Variants in ZMYM2 observed in about 807,000 individuals in gnomAD.
ZMYM2 encodes the protein zinc finger MYM-type containing 2, also known as zinc finger MYM-type protein 2.
Under a neutral mutation model 162.8 loss-of-function variants are expected in ZMYM2, and 56 were observed. The ratio of observed to expected loss-of-function variants is 0.34; its 90% CI spans 0.28 to 0.43. The LOEUF is 0.43. Among genes scored for constraint, ZMYM2 ranks in the 20% least tolerant of loss-of-function variants. The pLI is 1.00. For synonymous variants in ZMYM2, 510 were observed against 541.6 expected (o/e 0.94, Z 0.81); for missense variants, 1,275 against 1,621.8 (o/e 0.79, Z 3.67).
At position 20,036,911 on chromosome 13, in the gene ZMYM2, C is replaced by T. The variant is rs376967103; in HGVS notation, c.2292+2C>T. 57 of 1,601,406 alleles carry T rather than the reference C, an allele frequency of 3.6e-5. No homozygotes were observed. Among genetic ancestry groups the T allele is most frequent in the Non-Finnish European group, 4.2e-5 (49 of 1,174,814 alleles). ...AAATTTCAGGATTGGTACTACAAGG[C>T]GAGTAACTCCTTTATTACAGCAGCT... On this transcript the variant is annotated splice_donor_variant, in intron 12 of 24. Coordinates refer to ENST00000610343, the MANE Select transcript of ZMYM2 (RefSeq NM_197968.4). LOFTEE classifies it low-confidence loss of function (GC_TO_GT_DONOR).
At chr13:19,971,262 A>ATTTTTTT (rs67460005) in intron 2 of ZMYM2, among the ~76,000 whole-genome samples, 3 of 78,332 alleles carry the variant, frequency 3.8e-5, no homozygotes, top group African/African-American at 1.4e-4. Flanking sequence ...ATATATATAT[A>ATTTTTTT]TTTTTTTTTT....
At chr13:20,065,857 G>T (rs1047059203) in intron 19 of ZMYM2, among the ~76,000 whole-genome samples, 1 of 151,968 alleles carries the variant, frequency 6.6e-6, no homozygotes, top group African/African-American at 2.4e-5. Flanking sequence ...ACAGAGCAAG[G>T]CCCTGTCTTA....
At chr13:19,884,786 A>T in the ZMYM2 span, among the ~76,000 whole-genome samples, 1 of 152,158 alleles carries the variant, frequency 6.6e-6, no homozygotes, top group African/African-American at 2.4e-5. Context: ...CCCCCAAGAC[A>T]GAAAAACAAA....
intron 9 of ZMYM2, among the ~76,000 whole-genome samples, chr13:20,031,088 T>C (rs1387945347): frequency 6.6e-6 from 1 of 152,192 alleles, no homozygotes; most frequent in Non-Finnish European, 1.5e-5. Context: ...TTTTTTCTTA[T>C]TTTAGGTAAA....
the ZMYM2 span, among the ~76,000 whole-genome samples, chr13:19,869,091 C>G: frequency 6.6e-6 from 1 of 152,190 alleles, no homozygotes; most frequent in Admixed American, 6.5e-5. Context: ...ATGCCACTAT[C>G]ACAGAATAAA....
At chr13:20,043,758 C>CA (rs1954502620) in intron 12 of ZMYM2, among the ~76,000 whole-genome samples, 1 of 152,176 alleles carries the variant, frequency 6.6e-6, no homozygotes, top group South Asian at 2.1e-4. Flanking sequence ...TGCACACACA[C>CA]ACGTGGGTGC....
At chr13:19,926,144 A>G in the ZMYM2 span, among the ~76,000 whole-genome samples, 2 of 151,220 alleles carry the variant, frequency 1.3e-5, no homozygotes, top group Admixed American at 1.3e-4. Context: ...TATTTTTAGT[A>G]GAGATGGGGT....
intron 19 of ZMYM2, among the ~76,000 whole-genome samples, chr13:20,064,784 GTAA>G (rs1177037631): frequency 1.4e-5 from 2 of 142,592 alleles, no homozygotes; most frequent in Non-Finnish European, 3.2e-5. Flanking sequence ...AATAATAGTA[GTAA>G]TAATTTATTT....
At chr13:19,968,070 T>G (rs1955968047) in intron 2 of ZMYM2, among the ~76,000 whole-genome samples, 1 of 152,208 alleles carries the variant, frequency 6.6e-6, no homozygotes, top group South Asian at 2.1e-4. Flanking sequence ...AGAAATCCAC[T>G]GTCTGATCTG....
At chr13:19,978,654 A>G (rs886786653) in intron 2 of ZMYM2, among the ~76,000 whole-genome samples, 1 of 152,086 alleles carries the variant, frequency 6.6e-6, no homozygotes, top group Non-Finnish European at 1.5e-5. Context: ...ACCTCAGGTG[A>G]TCTGCCTTCC....
chr13:19,882,412 G>T, the ZMYM2 span, among the ~76,000 whole-genome samples: 2 of 152,120 alleles, frequency 1.3e-5, no homozygotes, highest in South Asian at 4.1e-4. Context: ...CACATGAAAA[G>T]ATGTTCAACT....
the ZMYM2 span, among the ~76,000 whole-genome samples, chr13:19,903,483 C>CAAAAAAAAAAAAAAAAAA: frequency 9.6e-5 from 8 of 83,726 alleles, no homozygotes; most frequent in Admixed American, 1.6e-4. Context: ...ACTAAAAATA[C>CAAAAAAAAAAAAAAAAAA]AAAAAAAAAA....
At chr13:19,952,077 G>A in the ZMYM2 span, among the ~76,000 whole-genome samples, 1 of 152,068 alleles carries the variant, frequency 6.6e-6, no homozygotes, top group African/African-American at 2.4e-5. Context: ...AAATCCTGTT[G>A]TTTGTGACAA....
At chr13:19,880,946 T>C in the ZMYM2 span, among the ~76,000 whole-genome samples, 1 of 151,900 alleles carries the variant, frequency 6.6e-6, no homozygotes, top group Non-Finnish European at 1.5e-5. Flanking sequence ...TGGAGTGCCA[T>C]GGCATGATCT....
chr13:19,991,198 C>G (rs542461461), intron 2 of ZMYM2, among the ~76,000 whole-genome samples: 2 of 152,070 alleles, frequency 1.3e-5, no homozygotes, highest in African/African-American at 4.8e-5. Context: ...ACTGCAACCT[C>G]GAACTCCTGG....
At chr13:19,941,720 CTTTTTTTTTTTTT>C in the ZMYM2 span, among the ~76,000 whole-genome samples, 1 of 63,004 alleles carries the variant, frequency 1.6e-5, no homozygotes, top group Non-Finnish European at 2.7e-5. Context: ...TGGCTTTCTG[CTTTTTTTTTTTTT>C]TTTTTTTTTT....
chr13:20,041,879 T>G (rs1039340718), intron 12 of ZMYM2, among the ~76,000 whole-genome samples: 1 of 152,270 alleles, frequency 6.6e-6, no homozygotes, highest in African/African-American at 2.4e-5. Flanking sequence ...GGTTGAATAT[T>G]GGCCCCCAAT....
intron 2 of ZMYM2, among the ~76,000 whole-genome samples, chr13:19,965,934 C>G (rs1955722892): frequency 6.6e-6 from 1 of 151,476 alleles, no homozygotes; most frequent in Non-Finnish European, 1.5e-5. Context: ...TGTGCACCAC[C>G]ACACCTGGCT....
At chr13:20,013,066 AGTAAG>A (rs764300173) in intron 6 of ZMYM2, among the ~76,000 whole-genome samples, 110 of 152,328 alleles carry the variant, frequency 7.2e-4, no homozygotes, top group Non-Finnish European at 1.1e-3. Flanking sequence ...TCTTAGCAAT[AGTAAG>A]TTATTCTGTC....
Sources: gnomAD v4.1 joint callset for allele counts (sites outside exome capture counted in the v4.1 genomes callset) on GRCh38, gnomAD v4.1.1 for gene constraint, MANE v1.5 for transcripts, NCBI Gene and HGNC (gene_info 2026-07-23, HGNC 2026-07-21) for gene names.